Variants in FLG observed in about 807,000 individuals in gnomAD.
FLG encodes filaggrin.
FLG carries 6 observed loss-of-function variants against 3.8 expected under a neutral mutation model. The ratio of observed to expected loss-of-function variants is 1.60; its 90% confidence interval spans 0.87 to 3.15. The LOEUF (loss-of-function observed/expected upper bound fraction) is 3.15. Among genes scored for constraint, FLG ranks in the 30% most tolerant of loss-of-function variants. The pLI, the probability that FLG is intolerant of heterozygous loss-of-function variation, is 0.00. For missense variants in FLG, 7,595 were observed against 5,050.9 expected (o/e 1.50, Z -15.27); for synonymous variants, 2,551 against 1,931.6 (o/e 1.32, Z -8.41).
rs1472088771 is a variant in FLG at position 152,310,408 on chromosome 1, G to A, written c.4478C>T (p.Pro1493Leu). ...CTGCCTTCCTCCTCTGCTTGACCCC[G>A]GGTGTCCACGAATGGTGTCCTGACC... ...QDGQDTIRGH[P>L]GSSRGGRQGS... Residue 1493 changes from proline (P) to leucine (L), a missense_variant, in exon 3 of 3, where the codon CCG (proline) becomes CTG (leucine). By Grantham distance (98) the Pro-to-Leu change is moderately conservative. Coordinates refer to ENST00000368799, the MANE Select transcript of FLG (RefSeq NM_002016.2). 1.5e-5 allele frequency: 24 copies of A among 1,613,240 alleles called. No homozygotes were observed. Among genetic ancestry groups the A allele is most frequent in the African/African-American group, 8.0e-5 (6 of 74,648 alleles).
rs748536742 is a variant in FLG at position 152,312,932 on chromosome 1, G to A, written c.1954C>T (p.Gln652Ter). 16 of 1,613,990 alleles carry A rather than the reference G, an allele frequency of 9.9e-6. No individual in the cohort carries two copies. Among genetic ancestry groups the A allele is most frequent in the Non-Finnish European group, 1.3e-5 (15 of 1,180,022 alleles). The change falls in exon 3 of 3, where the codon CAG (glutamine) becomes TAG (stop). Residue 652 changes from glutamine (Q) to a stop codon, truncating the protein, a stop_gained. Transcript: ENST00000368799. LOFTEE classifies it low-confidence loss of function (END_TRUNC). ...GGGTGTCTGGAGCCATCTCTTGACT[G>A]CTCCTGAGCAGATCCATGATGGTTT... The part of the protein sequence containing the change: ...SRNHHGSAQE[Q>*]SRDGSRHPRS...
rs1403485339 is a variant in FLG, at chr1:152,309,312, C to A, written c.5574G>T (p.Gln1858His). ...GTCTGCTGACACTTCTGGATCCTGA[C>A]TGCCCACGGGAGACATCAGACCTTT... ...SQERSDVSRG[Q>H]SGSRSVSRQT... The change falls in exon 3 of 3, where the codon CAG (glutamine) becomes CAT (histidine). Residue 1858 changes from glutamine (Q) to histidine (H), a missense_variant. Transcript: ENST00000368799. 6.2e-7 allele frequency: 1 copy of A among 1,613,784 alleles called. No individual in the cohort carries two copies. Among genetic ancestry groups the A allele is most frequent in the Non-Finnish European group, 8.5e-7 (1 of 1,180,004 alleles).
In FLG at chr1:152,302,817, A is replaced by G. The variant is rs1478099184; in HGVS notation, c.12069T>C (p.Asp4023=). 2 of 1,614,088 alleles carry G rather than the reference A, an allele frequency of 1.2e-6. No individual in the cohort carries two copies. The highest frequency in any genetic ancestry group is 1.3e-5 in the African/African-American group (1 of 74,938). ...DICKASAFGK[D]HPRYYATYIN... ...TATACGTTGCATAATACCTTGGATG[A>G]TCTTTACCAAACGCACTTGCTTTAC... is the stretch of plus-strand genomic sequence containing the variant. The change falls in exon 3 of 3, where the codon GAT becomes GAC. Residue 4023 remains aspartate, a synonymous_variant. Coordinates refer to ENST00000368799, the MANE Select transcript of FLG (RefSeq NM_002016.2).
In FLG at chr1:152,306,319, G is replaced by C. The variant is rs370810821; in HGVS notation, c.8567C>G (p.Ser2856Trp). The C allele has an allele frequency of 1.2e-6, 2 of 1,602,868 alleles. No individual in the cohort carries two copies. The highest frequency in any genetic ancestry group is 1.7e-6 in the Non-Finnish European group (2 of 1,179,806). Residue 2856 changes from serine (S) to tryptophan (W), a missense_variant, in exon 3 of 3, where the codon TCG (serine) becomes TGG (tryptophan). Coordinates refer to ENST00000368799, the MANE Select transcript of FLG (RefSeq NM_002016.2). Reference sequence around the variant, plus strand: ...ATGAGTGGAAGCTTCATGGTGACGCGACCCTGAGTGCCTGGAGCCGTCTCC... The same window carrying C: ...ATGAGTGGAAGCTTCATGGTGACGCCACCCTGAGTGCCTGGAGCCGTCTCC... The part of the protein sequence containing the change: ...QSGDGSRHSG[S>W]RHHEASTHAD...
At chr1:152,323,967 A>G (rs1653062831) in intron 1 of FLG, among the ~76,000 whole-genome samples, 1 of 151,768 alleles carries the variant, frequency 6.6e-6, no homozygotes, top group East Asian at 1.9e-4. Flanking sequence ...GGTAGACTGG[A>G]CTAGGATGAT....
Position 152,303,136 on chromosome 1 carries a change from G to T in FLG, c.11750C>A (p.Pro3917His). The change falls in exon 3 of 3, where the codon CCT becomes CAT. Residue 3917 changes from proline (P) to histidine (H), a missense_variant. Coordinates refer to ENST00000368799, the MANE Select transcript of FLG (RefSeq NM_002016.2). ...AGCGGTACTAGAGTCTGACTGTACA[G>T]GTGAAGACTGTACATGACTGGCTGT... ...RDTASHVQSS[P>H]VQSDSSTAKE... 1 of 1,614,198 alleles carries T rather than the reference G, an allele frequency of 6.2e-7. No individual in the cohort carries two copies. Among genetic ancestry groups the T allele is most frequent in the Non-Finnish European group, 8.5e-7 (1 of 1,180,036 alleles).
At chr1:152,318,363 C>T (rs1001093105) in intron 1 of FLG, among the ~76,000 whole-genome samples, 12 of 151,998 alleles carry the variant, frequency 7.9e-5, no homozygotes, top group African/African-American at 2.9e-4. Flanking sequence ...TCATCATCAT[C>T]TTACTTAATC....
rs1429404350 is a variant in FLG, at chr1:152,308,072, G to C, written c.6814C>G (p.Gln2272Glu). 2 of 1,613,908 alleles carry C rather than the reference G, an allele frequency of 1.2e-6. No homozygotes were observed. The highest frequency in any genetic ancestry group is 2.7e-5 in the African/African-American group (2 of 74,864). ...CTGGAGCCATCTCTTGACTGCTCCT[G>C]AGCAGATCCATGATGGTTTCTGGAC... ...SASRNHHGSA[Q>E]EQSRDGSRHP... The change falls in exon 3 of 3, where the codon CAG becomes GAG. Residue 2272 changes from glutamine (Q) to glutamate (E), a missense_variant. By Grantham distance (29) the Gln-to-Glu change is conservative. Transcript: ENST00000368799.
Position 152,314,240 on chromosome 1 carries a change from C to G in FLG, c.646G>C (p.Asp216His), listed in dbSNP as rs753799342. The G allele has an allele frequency of 1.3e-5, 21 of 1,613,478 alleles. No homozygotes were observed. Among genetic ancestry groups the G allele is most frequent in the South Asian group, 2.2e-5 (2 of 91,060 alleles). ...GTCATTCTTCCTGTATTTTCATAATCATATACTCCTTCTTCATTGTCTTCT... is the reference window on the plus strand; with the variant it reads ...GTCATTCTTCCTGTATTTTCATAATGATATACTCCTTCTTCATTGTCTTCT... ...EKEDNEEGVY[D>H]YENTGRMTQK... The change falls in exon 3 of 3, where the codon GAT (aspartate) becomes CAT (histidine). Residue 216 changes from aspartate to histidine, a missense_variant. By Grantham distance (81) the Asp-to-His change is moderately conservative. Coordinates refer to ENST00000368799, the MANE Select transcript of FLG (RefSeq NM_002016.2).
rs778064542 is a variant in FLG at position 152,313,208 on chromosome 1, C to G, written c.1678G>C (p.Gly560Arg). ...CTTGCACTTCTGGATCCTGACTGCC[C>G]ATGGGAGGCATCAGACCTTCCCTGG... is the stretch of plus-strand genomic sequence containing the variant. ...TSQGRSDASH[G>R]QSGSRSASRQ... Residue 560 changes from glycine to arginine, a missense_variant, in exon 3 of 3, where the codon GGG (glycine) becomes CGG (arginine). Physicochemically the swap from Gly to Arg is moderately radical, Grantham distance 125. Coordinates refer to ENST00000368799, the MANE Select transcript of FLG (RefSeq NM_002016.2). 6.2e-7 allele frequency: 1 copy of G among 1,613,846 alleles called. No individual in the cohort carries two copies. Among genetic ancestry groups the G allele is most frequent in the Non-Finnish European group, 8.5e-7 (1 of 1,180,004 alleles).
intron 1 of FLG, among the ~76,000 whole-genome samples, chr1:152,319,887 G>A (rs1652900853): frequency 6.6e-6 from 1 of 151,294 alleles, no homozygotes; most frequent in Non-Finnish European, 1.5e-5. Flanking sequence ...CATATGTGTG[G>A]AAAAATATAG....
At position 152,302,776 on chromosome 1, in the gene FLG, C is replaced by T. The variant is rs1231145182; in HGVS notation, c.12110G>A (p.Gly4037Asp). The change falls in exon 3 of 3, where the codon GGT becomes GAT. Residue 4037 changes from glycine (G) to aspartate (D), a missense_variant. By Grantham distance (94) the Gly-to-Asp change is moderately conservative. Coordinates refer to ENST00000368799, the MANE Select transcript of FLG (RefSeq NM_002016.2). Reference sequence around the variant, plus strand: ...TATATCACTAGAATGGCCACATAAACCTGGGTCCTTATTAATATACGTTGC... The same window carrying T: ...TATATCACTAGAATGGCCACATAAATCTGGGTCCTTATTAATATACGTTGC... ...YYATYINKDP[G>D]LCGHSSDISK... The T allele has an allele frequency of 6.2e-7, 1 of 1,614,110 alleles. No individual in the cohort carries two copies. The highest frequency in any genetic ancestry group is 1.1e-5 in the South Asian group (1 of 91,072).
chr1:152,317,129 C>T (rs755650717), intron 1 of FLG, among the ~76,000 whole-genome samples: 1 of 152,106 alleles, frequency 6.6e-6, no homozygotes, highest in Non-Finnish European at 1.5e-5. Context: ...AAACACTTTG[C>T]TTTTGCAGTT....
intron 1 of FLG, among the ~76,000 whole-genome samples, chr1:152,324,579 A>G (rs1653085874): frequency 6.6e-6 from 1 of 151,848 alleles, no homozygotes; most frequent in Non-Finnish European, 1.5e-5. Flanking sequence ...TCACTTTACT[A>G]CAAGCTTGTC....
At chr1:152,319,674 T>C (rs1652893910) in intron 1 of FLG, among the ~76,000 whole-genome samples, 1 of 151,450 alleles carries the variant, frequency 6.6e-6, no homozygotes, top group African/African-American at 2.4e-5. Flanking sequence ...TAAAAGACGA[T>C]GAAATGTTAT....
Position 152,311,422 on chromosome 1 carries a change from T to G in FLG, c.3464A>C (p.His1155Pro), listed in dbSNP as rs1652417512. The G allele has an allele frequency of 1.2e-6, 2 of 1,613,890 alleles. No individual in the cohort carries two copies. The highest frequency in any genetic ancestry group is 4.5e-5 in the East Asian group (2 of 44,826). ...GTCCTGACCCTCTTGGGACGCTGAG[T>G]GCCTGGAGCTGTCTCGTGCCTGCTC... Reference protein sequence around the residue: ...HHEQARDSSRHSASQEGQDTI... With the variant: ...HHEQARDSSRPSASQEGQDTI... The change falls in exon 3 of 3, where the codon CAC becomes CCC. Residue 1155 changes from histidine (H) to proline (P), a missense_variant. By Grantham distance (77) the His-to-Pro change is moderately conservative (BLOSUM62 -2). Transcript: ENST00000368799.
chr1:152,311,549 G>C lies in FLG; in HGVS notation c.3337C>G (p.Arg1113Gly), dbSNP rs768459532. ...ACCTGGTAGATGAAAGACCCTGAAC[G>C]TCCAGACCTTCCCCCTGACCAGTCA... ...ARDWSGGRSG[R>G]SGSFIYQVST... The change falls in exon 3 of 3, where the codon CGT (arginine) becomes GGT (glycine). Residue 1113 changes from arginine (R) to glycine (G), a missense_variant. Transcript: ENST00000368799. The C allele has an allele frequency of 6.2e-7, 1 of 1,613,764 alleles. No individual in the cohort carries two copies. The highest frequency in any genetic ancestry group is 1.7e-5 in the Admixed American group (1 of 59,982).
rs140261784 is a variant in FLG at position 152,313,866 on chromosome 1, A to T, written c.1020T>A (p.Asp340Glu). 1.2e-3 allele frequency: 1,903 copies of T among 1,613,900 alleles called. 1 individual carries two copies. The highest frequency in any genetic ancestry group is 1.5e-3 in the Non-Finnish European group (1,828 of 1,179,918). Residue 340 changes from aspartate to glutamate, a missense_variant, in exon 3 of 3, where the codon GAT becomes GAA. Transcript: ENST00000368799. ...AGTGCCCATGACTGGCTCTGTCTTC[A>T]TCATGGGACCTGGGGTGTCTGGAGC... The part of the protein sequence containing the change: ...RDGSRHPRSH[D>E]EDRASHGHSA...
In FLG at chr1:152,314,713, A is replaced by G; in HGVS notation, c.173T>C (p.Met58Thr). The G allele has an allele frequency of 1.9e-6, 3 of 1,613,974 alleles. No homozygotes were observed. Among genetic ancestry groups the G allele is most frequent in the Admixed American group, 1.7e-5 (1 of 60,028 alleles). ...PDDPDMVDVF[M>T]DHLDIDHNKK... ...GTTGTGGTCTATATCCAAGTGATCC[A>G]TGAAGACATCAACCATATCTGGGTC... The change falls in exon 3 of 3, where the codon ATG (methionine) becomes ACG (threonine). Residue 58 changes from methionine to threonine, a missense_variant. By Grantham distance (81) the Met-to-Thr change is moderately conservative. Transcript: ENST00000368799.
Sources: gnomAD v4.1 joint callset for allele counts (sites outside exome capture counted in the v4.1 genomes callset) on GRCh38, gnomAD v4.1.1 for gene constraint, MANE v1.5 for transcripts, NCBI Gene and HGNC (gene_info 2026-07-23, HGNC 2026-07-21) for gene names.